The following SMOC1 variants were observed in gnomAD, a reference collection of about 807,000 sequenced individuals.
SMOC1 encodes the protein SPARC related modular calcium binding 1.
A neutral mutation model predicts 56.3 loss-of-function variants in SMOC1; 22 were observed. That is an observed-to-expected ratio of 0.39 (90% CI 0.28 to 0.56). The LOEUF (loss-of-function observed/expected upper bound fraction) is 0.56. SMOC1 is among the 20% of genes least tolerant of loss of function. The pLI, the probability that SMOC1 is intolerant of heterozygous loss-of-function variation, is 0.61. For synonymous variants in SMOC1, 193 were observed against 215.0 expected (o/e 0.90, Z 0.89); for missense variants, 509 against 565.4 (o/e 0.90, Z 1.01).
intron 1 of SMOC1, among the ~76,000 whole-genome samples, chr14:69,900,176 G>C (rs75962242): frequency 6.6e-6 from 1 of 152,196 alleles, no homozygotes; most frequent in South Asian, 2.1e-4. Flanking sequence ...CCTAGGAAGA[G>C]AGGAGGAAGG....
chr14:69,907,371 C>T (rs1422294580), intron 1 of SMOC1, among the ~76,000 whole-genome samples: 1 of 152,208 alleles, frequency 6.6e-6, no homozygotes, highest in African/African-American at 2.4e-5. Flanking sequence ...CTGTAACATG[C>T]TTACTGATTA....
chr14:69,955,320 G>A (rs905840106), intron 3 of SMOC1, among the ~76,000 whole-genome samples: 2 of 152,102 alleles, frequency 1.3e-5, no homozygotes. Flanking sequence ...CCTGGAGCCG[G>A]ACACCTGGGC....
At chr14:70,002,407 T>C (rs533398353) in intron 7 of SMOC1, among the ~76,000 whole-genome samples, 67 of 152,336 alleles carry the variant, frequency 4.4e-4, no homozygotes, top group Non-Finnish European at 8.1e-4. Context: ...TTTCGGTGGC[T>C]GACTTTGTTC....
At chr14:69,960,604 T>C (rs1883336345) in intron 3 of SMOC1, among the ~76,000 whole-genome samples, 1 of 152,172 alleles carries the variant, frequency 6.6e-6, no homozygotes, top group Non-Finnish European at 1.5e-5. Context: ...TGTTATATGC[T>C]CAAAAAACAT....
At chr14:69,959,939 T>A (rs1232482828) in intron 3 of SMOC1, among the ~76,000 whole-genome samples, 1 of 152,172 alleles carries the variant, frequency 6.6e-6, no homozygotes, top group Non-Finnish European at 1.5e-5. Context: ...ATCTTATTGT[T>A]CCTTTTTAGC....
chr14:69,967,738 A>G (rs1883622746), intron 3 of SMOC1, among the ~76,000 whole-genome samples: 1 of 152,244 alleles, frequency 6.6e-6, no homozygotes, highest in Admixed American at 6.5e-5. Context: ...AGATAGGCTC[A>G]GAGAGGTTAA....
chr14:70,025,346 G>T (rs1348733694), intron 11 of SMOC1, among the ~76,000 whole-genome samples: 4 of 152,312 alleles, frequency 2.6e-5, no homozygotes, highest in African/African-American at 9.6e-5. Context: ...ATGGGAAATG[G>T]ATGGGTTCCC....
chr14:69,994,899 G>GT (rs1213305106), intron 7 of SMOC1, among the ~76,000 whole-genome samples: 1 of 152,168 alleles, frequency 6.6e-6, no homozygotes. Context: ...AGGGGGTCTT[G>GT]TGAGTGGTCA....
At chr14:70,009,182 T>G (rs980994219) in intron 7 of SMOC1, among the ~76,000 whole-genome samples, 1 of 152,242 alleles carries the variant, frequency 6.6e-6, no homozygotes, top group Non-Finnish European at 1.5e-5. Context: ...TCTATTTTAA[T>G]AGTGAATATG....
rs149199588 is a variant in SMOC1, at chr14:69,952,192, C to T, written c.154C>T (p.Pro52Ser). 14 of 1,614,064 alleles carry T rather than the reference C, an allele frequency of 8.7e-6. No individual in the cohort carries two copies. The highest frequency in any genetic ancestry group is 2.7e-5 in the African/African-American group (2 of 74,926). ...CAACCTCCACTGCTCCAGGACTCAACCCAAACCCATCTGTGCCTCTGATGG... is the reference window on the plus strand; with the variant it reads ...CAACCTCCACTGCTCCAGGACTCAATCCAAACCCATCTGTGCCTCTGATGG... ...QCNLHCSRTQ[P>S]KPICASDGRS... is the part of the protein sequence containing the mutation. Residue 52 changes from proline to serine, a missense_variant, in exon 2 of 12, where the codon CCC (proline) becomes TCC (serine). Physicochemically the swap from Pro to Ser is moderately conservative, Grantham distance 74. This residue lies in a region of SMOC1 where 315 missense variants were observed against 333.1 expected (regional missense o/e 0.95). Coordinates refer to ENST00000361956, the MANE Select transcript of SMOC1 (RefSeq NM_001034852.3).
intron 1 of SMOC1, among the ~76,000 whole-genome samples, chr14:69,890,094 G>A (rs1883920312): frequency 6.6e-6 from 1 of 152,168 alleles, no homozygotes; most frequent in African/African-American, 2.4e-5. Context: ...TTCATTAAGG[G>A]CCTGGTACAG....
intron 7 of SMOC1, among the ~76,000 whole-genome samples, chr14:70,010,148 A>G (rs1208293287): frequency 6.6e-6 from 1 of 152,218 alleles, no homozygotes; most frequent in Non-Finnish European, 1.5e-5. Flanking sequence ...TGGAAGCAGC[A>G]TTGTGTAATT....
intron 1 of SMOC1, among the ~76,000 whole-genome samples, chr14:69,888,554 A>G (rs1482233394): frequency 6.6e-6 from 1 of 152,350 alleles, no homozygotes; most frequent in Non-Finnish European, 1.5e-5. Context: ...GAGGTCAGGC[A>G]TAATGTGTTT....
chr14:70,025,570 C>T (rs1356389340), intron 11 of SMOC1, among the ~76,000 whole-genome samples: 2 of 152,198 alleles, frequency 1.3e-5, no homozygotes, highest in Admixed American at 6.5e-5. Context: ...CGGCCTCGCT[C>T]TTTCACTACA....
At chr14:69,928,423 G>A (rs144126533) in intron 1 of SMOC1, among the ~76,000 whole-genome samples, 261 of 152,328 alleles carry the variant, frequency 1.7e-3, no homozygotes, top group African/African-American at 6.0e-3. Flanking sequence ...TCCCCTGTTT[G>A]TTTATCCAGG....
At chr14:70,005,894 T>C (rs966370464) in intron 7 of SMOC1, among the ~76,000 whole-genome samples, 1 of 152,182 alleles carries the variant, frequency 6.6e-6, no homozygotes, top group Non-Finnish European at 1.5e-5. Context: ...CATAGATACC[T>C]GGCCAGACCT....
intron 3 of SMOC1, among the ~76,000 whole-genome samples, chr14:69,971,027 C>G (rs924573366): frequency 3.3e-5 from 5 of 151,932 alleles, no homozygotes; most frequent in Non-Finnish European, 7.4e-5. Context: ...TAGTTACATT[C>G]TTTTTTTTGG....
intron 6 of SMOC1, among the ~76,000 whole-genome samples, chr14:69,994,034 G>A (rs61977401): frequency 0.058 from 8,872 of 152,284 alleles, 343 homozygotes; most frequent in Non-Finnish European, 0.086. Flanking sequence ...TTTGTTTGGC[G>A]TTCGTTTGTT....
chr14:69,929,542 A>T (rs1393036021), intron 1 of SMOC1, among the ~76,000 whole-genome samples: 1 of 152,210 alleles, frequency 6.6e-6, no homozygotes, highest in Non-Finnish European at 1.5e-5. Context: ...TACGTTGGCC[A>T]CAGAGATGCC....
Sources: gnomAD v4.1 joint callset for allele counts (sites outside exome capture counted in the v4.1 genomes callset) on GRCh38, gnomAD v4.1.1 for gene constraint, gnomAD v4.1.1 regional missense constraint, MANE v1.5 for transcripts, NCBI Gene and HGNC (gene_info 2026-07-23, HGNC 2026-07-21) for gene names.